The following SRGAP3 variants were observed in gnomAD, a reference collection of about 807,000 sequenced individuals.
SRGAP3 encodes SLIT-ROBO Rho GTPase-activating protein 3.
In SRGAP3, 39 loss-of-function variants were observed where a neutral mutation model predicts 121.1. The observed-to-expected ratio is 0.32, with a 90% CI of 0.25 to 0.42. The LOEUF is 0.42. Ranked by LOEUF, SRGAP3 falls within the 10% of genes least tolerant of loss-of-function variation. The probability of loss-of-function intolerance (pLI) is 1.00; values close to 1 mark genes in which losing one functional copy is unlikely to be tolerated. For missense variants in SRGAP3, 1,213 were observed against 1,470.6 expected (o/e 0.82, Z 2.86); for synonymous variants, 601 against 570.0 (o/e 1.05, Z -0.77).
At chr3:9,341,616 C>A (rs1955789476) in intron 1 of SRGAP3, among the ~76,000 whole-genome samples, 2 of 152,184 alleles carry the variant, frequency 1.3e-5, no homozygotes. Flanking sequence ...AGGAGGCTGG[C>A]AGACAACTTG....
In SRGAP3 at chr3:8,990,701, G is replaced by C. The variant is rs1232063428; in HGVS notation, c.2697C>G (p.Ile899Met). ...TCTCGATCCTCCCCCGGGTGAGGGG[G>C]ATTTTGTGGGGGCTGCTGGGGCAGG... ...AAACPSSPHK[I>M]PLTRGRIESP... Residue 899 changes from isoleucine (I) to methionine (M), a missense_variant, in exon 21 of 22, where the codon ATC becomes ATG. Around this residue, in one of 2 missense-constraint regions of SRGAP3, gnomAD observed 420 missense variants for 437.7 expected, o/e 0.96. Coordinates refer to ENST00000383836, the MANE Select transcript of SRGAP3 (RefSeq NM_014850.4). 2 of 1,613,102 alleles carry C rather than the reference G, an allele frequency of 1.2e-6. No individual in the cohort carries two copies. The highest frequency in any genetic ancestry group is 1.7e-5 in the Admixed American group (1 of 59,996).
intron 1 of SRGAP3, among the ~76,000 whole-genome samples, chr3:9,246,522 G>A (rs970795487): frequency 6.6e-6 from 1 of 152,196 alleles, no homozygotes; most frequent in Admixed American, 6.5e-5. Context: ...ACAAGCCTGG[G>A]AGAAAATCGG....
At chr3:9,316,908 A>G (rs1955356241) in intron 3 of SRGAP3, among the ~76,000 whole-genome samples, 1 of 152,122 alleles carries the variant, frequency 6.6e-6, no homozygotes, top group East Asian at 1.9e-4. Context: ...AGCCTGAGAA[A>G]CTGGGACTTC....
intron 1 of SRGAP3, among the ~76,000 whole-genome samples, chr3:9,145,477 C>T (rs1949992780): frequency 6.6e-6 from 1 of 152,142 alleles, no homozygotes; most frequent in South Asian, 2.1e-4. Flanking sequence ...CTCAAAATCC[C>T]CTTTCCTCCT....
At chr3:9,207,316 T>C (rs1026344458) in intron 1 of SRGAP3, among the ~76,000 whole-genome samples, 14 of 152,164 alleles carry the variant, frequency 9.2e-5, no homozygotes, top group African/African-American at 3.1e-4. Context: ...ACCTAGACAG[T>C]GGCAACAAAG....
chr3:9,176,572 T>C (rs568993013), intron 1 of SRGAP3, among the ~76,000 whole-genome samples: 2 of 152,258 alleles, frequency 1.3e-5, no homozygotes, highest in East Asian at 3.9e-4. Flanking sequence ...TTGGGTAATA[T>C]ATAAGAAAAG....
chr3:9,060,444 T>TTTTTTTTTA (rs1946096022), intron 5 of SRGAP3, 85 bp from the exon 6 acceptor site: 1 of 1,421,788 alleles, frequency 7.0e-7, no homozygotes, highest in African/African-American at 1.5e-5. Flanking sequence ...TTTTTTTTTT[T>TTTTTTTTTA]GAGACAGGGT....
intron 1 of SRGAP3, among the ~76,000 whole-genome samples, chr3:9,186,384 T>A (rs1951595512): frequency 6.6e-6 from 1 of 152,220 alleles, no homozygotes; most frequent in South Asian, 2.1e-4. Flanking sequence ...TCTTTATTGT[T>A]ACATTGTCGG....
intron 3 of SRGAP3, among the ~76,000 whole-genome samples, chr3:9,297,227 G>A (rs1189441990): frequency 1.3e-5 from 2 of 152,116 alleles, no homozygotes; most frequent in Non-Finnish European, 2.9e-5. Flanking sequence ...TGTTCCTCAG[G>A]TTAGAAAGAG....
chr3:9,335,291 T>C (rs1438821551), intron 1 of SRGAP3, among the ~76,000 whole-genome samples: 1 of 152,236 alleles, frequency 6.6e-6, no homozygotes, highest in African/African-American at 2.4e-5. Context: ...GTTGCCAGCC[T>C]ATTTTTCTTG....
intron 1 of SRGAP3, among the ~76,000 whole-genome samples, chr3:9,133,630 T>C (rs1949541210): frequency 6.6e-6 from 1 of 152,204 alleles, no homozygotes; most frequent in South Asian, 2.1e-4. Flanking sequence ...TTTATAATCT[T>C]TTACTATCAT....
chr3:9,301,994 C>T (rs534876310), intron 3 of SRGAP3, among the ~76,000 whole-genome samples: 17 of 152,304 alleles, frequency 1.1e-4, no homozygotes, highest in African/African-American at 4.1e-4. Flanking sequence ...CTCACCTAAA[C>T]TCTTCTATCC....
chr3:9,227,503 G>A (rs1443967106), intron 1 of SRGAP3, among the ~76,000 whole-genome samples: 1 of 152,170 alleles, frequency 6.6e-6, no homozygotes, highest in Non-Finnish European at 1.5e-5. Context: ...GGCATAGAGA[G>A]GGGAGATGCC....
rs549552684 is a variant in SRGAP3, at chr3:9,209,377, A to G, written c.67+39508T>C. Among the ~76,000 whole-genome samples, 6 of 152,366 alleles carry G rather than the reference A, an allele frequency of 3.9e-5. No individual in the cohort carries two copies. In the East Asian group the frequency reaches 1.2e-3, roughly 29 times the overall value. ...AGCCATAGGAAAAGATCAACAACCC[A>G]ATACAAAATTAAGAAAAGGACTTAC... is the stretch of plus-strand genomic sequence containing the variant. On this transcript the variant is annotated intron_variant, in intron 1 of 21. Coordinates refer to ENST00000383836, the MANE Select transcript of SRGAP3 (RefSeq NM_014850.4).
Position 9,025,396 on chromosome 3 carries a change from A to T in SRGAP3, c.1601-58T>A, listed in dbSNP as rs544644681. 2.1e-4 allele frequency: 329 copies of T among 1,551,830 alleles called. No homozygotes were observed. The African/African-American group carries it at 4.2e-3, about 20-fold the overall frequency. On this transcript the variant is annotated intron_variant, in intron 13 of 21. Coordinates refer to ENST00000383836, the MANE Select transcript of SRGAP3 (RefSeq NM_014850.4). ...AAATCCACGAGACCTTGAGTTCATT[A>T]GACTACCGGGAATATCAGTGACTCT...
chr3:9,253,703 T>C (rs1954065415), upstream of SRGAP3, among the ~76,000 whole-genome samples: 1 of 152,198 alleles, frequency 6.6e-6, no homozygotes, highest in Non-Finnish European at 1.5e-5. Flanking sequence ...CAAGCAGAAC[T>C]CAGCTAGTTG....
At chr3:9,188,219 C>T (rs112374889) in intron 1 of SRGAP3, among the ~76,000 whole-genome samples, 1,873 of 152,216 alleles carry the variant, frequency 0.012, 52 homozygotes, top group African/African-American at 0.04. Flanking sequence ...ATTAATAGCA[C>T]GGATAATTGA....
chr3:9,193,216 G>C (rs969809225), intron 1 of SRGAP3: 2 of 152,192 alleles, frequency 1.3e-5, no homozygotes, highest in Non-Finnish European at 2.9e-5. Context: ...ATGTTCAGGG[G>C]CTTGAGGGAG....
At chr3:9,017,840 C>T (rs1470538119) in intron 14 of SRGAP3, among the ~76,000 whole-genome samples, 1 of 152,168 alleles carries the variant, frequency 6.6e-6, no homozygotes, top group Non-Finnish European at 1.5e-5. Context: ...GAATATCTGT[C>T]ATTTCTATGT....
Sources: gnomAD v4.1 joint callset for allele counts (sites outside exome capture counted in the v4.1 genomes callset) on GRCh38, gnomAD v4.1.1 for gene constraint, gnomAD v4.1.1 regional missense constraint, MANE v1.5 for transcripts, NCBI Gene and HGNC (gene_info 2026-07-23, HGNC 2026-07-21) for gene names.